The following KLF7 variants were observed in gnomAD, a reference collection of about 807,000 sequenced individuals.
KLF7 encodes KLF transcription factor 7, also known as Krueppel-like factor 7.
Under a neutral mutation model 27.3 loss-of-function variants are expected in KLF7, and 2 were observed. That is an observed-to-expected ratio of 0.07 (90% CI 0.03 to 0.23). KLF7 has a LOEUF of 0.23. Ranked by LOEUF, KLF7 falls within the 10% of genes least tolerant of loss-of-function variation. The pLI is 1.00. For missense variants in KLF7, 221 were observed against 394.1 expected, an observed-to-expected ratio of 0.56 and a Z score of 3.72; for synonymous variants, 165 against 162.4, an observed-to-expected ratio of 1.02 and a Z score of -0.12.
chr2:207,156,016 G>A (rs2078372824), intron 1 of KLF7, among the ~76,000 whole-genome samples: 1 of 152,184 alleles, frequency 6.6e-6, no homozygotes, highest in African/African-American at 2.4e-5. Context: ...GCACTCCCTT[G>A]CAGGGCAATT....
chr2:207,165,582 G>A lies in KLF7; in HGVS notation c.-14C>T. ...CAACACGTCCATGCTGCTGCTGCCG[G>A]GCAAAACGGGAGGCGAAACCCTCCC... is the stretch of plus-strand genomic sequence containing the variant. On this transcript the variant is annotated 5_prime_UTR_variant, in exon 1 of 4. Transcript: ENST00000309446. The A allele has an allele frequency of 1.2e-6, 2 of 1,612,978 alleles. No homozygotes were observed. Among genetic ancestry groups the A allele is most frequent in the Non-Finnish European group, 1.7e-6 (2 of 1,179,968 alleles).
At chr2:207,135,010 C>G (rs147216469) in intron 1 of KLF7, among the ~76,000 whole-genome samples, 3 of 152,136 alleles carry the variant, frequency 2.0e-5, no homozygotes, top group African/African-American at 7.2e-5. Flanking sequence ...AGAAACCTAT[C>G]GAGGGCATGG....
Position 207,165,744 on chromosome 2 carries a change from G to T in KLF7, c.-176C>A. ...AAAAAAAATCAATGCAGGAGAGGGA[G>T]AGAGGAGGTGAGAGAGGAGCGAGTG... On this transcript the variant is annotated 5_prime_UTR_variant, in exon 1 of 4. Transcript: ENST00000309446. The T allele has an allele frequency of 6.9e-7, 1 of 1,446,542 alleles. No individual in the cohort carries two copies. 89.6% of individuals were successfully genotyped at this position (1,446,542 alleles called of 1,614,324 possible).
chr2:207,142,048 C>T (rs935794790), intron 1 of KLF7, among the ~76,000 whole-genome samples: 1 of 151,944 alleles, frequency 6.6e-6, no homozygotes, highest in African/African-American at 2.4e-5. Flanking sequence ...AGAGAAGGCA[C>T]CATGAAATGT....
chr2:207,172,081 G>T (rs989705367), upstream of KLF7, among the ~76,000 whole-genome samples: 6 of 152,144 alleles, frequency 3.9e-5, no homozygotes, highest in African/African-American at 1.4e-4. Context: ...GATTGGGAGA[G>T]CCACTAAAGC....
rs1407113988 is a variant in KLF7, at chr2:207,076,098, A to T, written c.*5115T>A. On this transcript the variant is annotated 3_prime_UTR_variant, in exon 4 of 4. Coordinates refer to ENST00000309446, the MANE Select transcript of KLF7 (RefSeq NM_003709.4). Reference sequence around the variant, plus strand: ...CTGGTGGCTACTCCTCCGAAACGTCAGTAGCCTGTTTTCCTTCCGTGAAGG... The same window carrying T: ...CTGGTGGCTACTCCTCCGAAACGTCTGTAGCCTGTTTTCCTTCCGTGAAGG... The T allele has an allele frequency of 6.6e-6, 1 of 152,042 alleles. No homozygotes were observed. The highest frequency in any genetic ancestry group is 1.5e-5 in the Non-Finnish European group (1 of 68,014). 9.4% of individuals were successfully genotyped at this position (152,042 alleles called of 1,614,324 possible).
intron 2 of KLF7, among the ~76,000 whole-genome samples, chr2:207,097,616 CT>C (rs1433132041): frequency 6.6e-6 from 1 of 152,148 alleles, no homozygotes. Context: ...CAACTGTTAA[CT>C]TTTTCTAAAA....
At chr2:207,158,081 T>C (rs1197008057) in intron 1 of KLF7, among the ~76,000 whole-genome samples, 1 of 152,166 alleles carries the variant, frequency 6.6e-6, no homozygotes, top group East Asian at 1.9e-4. Context: ...AGAGTATAGC[T>C]GTGAGGAGAT....
At chr2:207,159,174 C>T (rs994281827) in intron 1 of KLF7, among the ~76,000 whole-genome samples, 5 of 152,202 alleles carry the variant, frequency 3.3e-5, no homozygotes, top group East Asian at 1.9e-4. Context: ...TATGGCTCTA[C>T]GTTATTTTAA....
chr2:207,124,840 A>T (rs868562076), intron 1 of KLF7, among the ~76,000 whole-genome samples: 1 of 152,204 alleles, frequency 6.6e-6, no homozygotes, highest in Non-Finnish European at 1.5e-5. Context: ...AACAGACTTG[A>T]GCACATCACA....
chr2:207,140,188 GTTT>G (rs960624700), intron 1 of KLF7, among the ~76,000 whole-genome samples: 1 of 151,952 alleles, frequency 6.6e-6, no homozygotes, highest in East Asian at 1.9e-4. Flanking sequence ...GGCCTGGCCT[GTTT>G]TTTTAAGATT....
chr2:207,145,142 T>A (rs948400478), intron 1 of KLF7, among the ~76,000 whole-genome samples: 1 of 152,262 alleles, frequency 6.6e-6, no homozygotes, highest in African/African-American at 2.4e-5. Context: ...TACCTGCTGC[T>A]TACATGTATA....
At chr2:207,146,284 C>G (rs2078094196) in intron 1 of KLF7, among the ~76,000 whole-genome samples, 1 of 152,174 alleles carries the variant, frequency 6.6e-6, no homozygotes, top group African/African-American at 2.4e-5. Context: ...TTTTCTCTTG[C>G]AGGTTACTTT....
intron 3 of KLF7, among the ~76,000 whole-genome samples, chr2:207,087,015 G>T (rs1219309281): frequency 6.6e-6 from 1 of 152,230 alleles, no homozygotes; most frequent in Non-Finnish European, 1.5e-5. Context: ...AGAAACTTGA[G>T]ATGGAAATAG....
At chr2:207,099,355 AG>A (rs1180796084) in intron 2 of KLF7, among the ~76,000 whole-genome samples, 1 of 151,788 alleles carries the variant, frequency 6.6e-6, no homozygotes, top group East Asian at 1.9e-4. Context: ...ACAGGTGGGG[AG>A]GGGAGACTAA....
chr2:207,159,791 T>C (rs1305220631), intron 1 of KLF7, among the ~76,000 whole-genome samples: 2 of 152,204 alleles, frequency 1.3e-5, no homozygotes, highest in Non-Finnish European at 2.9e-5. Flanking sequence ...AACATTTATA[T>C]ATCAAGCATG....
chr2:207,124,589 G>A (rs1043936454), intron 1 of KLF7, among the ~76,000 whole-genome samples, 185 bp from the exon 2 acceptor site: 2 of 152,108 alleles, frequency 1.3e-5, no homozygotes, highest in African/African-American at 4.8e-5. Flanking sequence ...GTTCATAAGG[G>A]TCACATCAGA....
intron 2 of KLF7, among the ~76,000 whole-genome samples, chr2:207,105,026 C>T (rs1235846434): frequency 1.3e-5 from 2 of 152,194 alleles, no homozygotes; most frequent in Admixed American, 1.3e-4. Flanking sequence ...CTACTGACTA[C>T]TAGAACTTAG....
In KLF7 at chr2:207,076,611, CAAG is replaced by C. The variant is rs994567513; in HGVS notation, c.*4599_*4601del. 2 of 152,202 alleles carry C rather than the reference CAAG, an allele frequency of 1.3e-5. No homozygotes were observed. The highest frequency in any genetic ancestry group is 4.8e-5 in the African/African-American group (2 of 41,444). The allele number at this position is 152,202 out of a possible 1,614,324, so 9.4% of individuals were successfully genotyped here. A position where few individuals can be genotyped will look rare whatever the true frequency, so the allele number is the denominator to read the frequency against. ...TCGTCGTGGGAGGTCACGTTATTTA[CAAG>C]AAGTTTCTGCTTCCTTTCACACATT... On this transcript the variant is annotated 3_prime_UTR_variant, in exon 4 of 4. Transcript: ENST00000309446.
Sources: gnomAD v4.1 joint callset for allele counts (sites outside exome capture counted in the v4.1 genomes callset) on GRCh38, gnomAD v4.1.1 for gene constraint, MANE v1.5 for transcripts, NCBI Gene and HGNC (gene_info 2026-07-23, HGNC 2026-07-21) for gene names.